Variants in GIT2 observed in about 807,000 individuals in gnomAD.
GIT2 encodes the protein GIT ArfGAP 2, also known as ARF GTPase-activating protein GIT2.
Under a neutral mutation model 100.3 loss-of-function variants are expected in GIT2, and 32 were observed. The ratio of observed to expected loss-of-function variants is 0.32; its 90% CI spans 0.24 to 0.43. The LOEUF (loss-of-function observed/expected upper bound fraction) is 0.43, where lower values mean the gene tolerates loss of function less well. Among genes scored for constraint, GIT2 ranks in the 20% least tolerant of loss-of-function variants. The pLI is 1.00. For synonymous variants in GIT2, 353 were observed against 364.1 expected (o/e 0.97, Z 0.35); for missense variants, 737 against 975.1 (o/e 0.76, Z 3.25).
chr12:109,977,237 T>A (rs1003432960), intron 7 of GIT2, among the ~76,000 whole-genome samples: 1 of 152,040 alleles, frequency 6.6e-6, no homozygotes, highest in Non-Finnish European at 1.5e-5. Flanking sequence ...ATAATAATAA[T>A]AAAAAAGGAG....
intron 7 of GIT2, among the ~76,000 whole-genome samples, chr12:109,973,096 G>A (rs1884301145): frequency 6.6e-6 from 1 of 152,068 alleles, no homozygotes; most frequent in African/African-American, 2.4e-5. Flanking sequence ...TCAAAGTGTT[G>A]TGATTACCAC....
At chr12:109,981,340 T>TA (rs770838876) in intron 6 of GIT2, 61 of 276,774 alleles carry the variant, frequency 2.2e-4, no homozygotes, top group Admixed American at 3.4e-4. Flanking sequence ...TTTAATGAGG[T>TA]AAAAAAATGA....
intron 7 of GIT2, among the ~76,000 whole-genome samples, chr12:109,968,321 C>T (rs1018562200): frequency 1.3e-5 from 2 of 151,854 alleles, no homozygotes; most frequent in Non-Finnish European, 2.9e-5. Flanking sequence ...AATCATGCCA[C>T]GCTTGTCTTC....
upstream of GIT2, chr12:109,996,384 G>A (rs1889437268): frequency 3.7e-6 from 2 of 545,312 alleles, no homozygotes; most frequent in Non-Finnish European, 6.4e-6. Context: ...GCACGCGCGG[G>A]GAGGTGCCCT....
At chr12:109,996,081 C>A in intron 1 of GIT2, 92 bp downstream of exon 1, 1 of 789,284 alleles carries the variant, frequency 1.3e-6, no homozygotes, top group South Asian at 2.0e-5. Flanking sequence ...CGACCCTAGC[C>A]GCGGGATGCA....
At chr12:109,967,979 A>T (rs1427290024) in intron 7 of GIT2, among the ~76,000 whole-genome samples, 2 of 152,204 alleles carry the variant, frequency 1.3e-5, no homozygotes, top group African/African-American at 4.8e-5. Context: ...ACTCAGCCCT[A>T]ATCTAGCTCC....
intron 16 of GIT2, among the ~76,000 whole-genome samples, chr12:109,943,180 C>G (rs1190038254): frequency 6.6e-6 from 1 of 152,126 alleles, no homozygotes; most frequent in Non-Finnish European, 1.5e-5. Context: ...TTAAGGCTAC[C>G]ATACAAATTA....
In GIT2 at chr12:109,952,191, G is replaced by A. The variant is rs77280142; in HGVS notation, c.1243-875C>T. On this transcript the variant is annotated intron_variant, in intron 13 of 19. Transcript: ENST00000355312. ...ATCTGTCTCCCCACTTCAACCTTCCGACTTATTGCCAAGACTTTTCTATTC... is the reference window on the plus strand; with the variant it reads ...ATCTGTCTCCCCACTTCAACCTTCCAACTTATTGCCAAGACTTTTCTATTC... 8.0e-3 allele frequency among the ~76,000 whole-genome samples: 1,215 copies of A among 152,236 alleles called. 25 individuals are homozygous for A. Among genetic ancestry groups the A allele is most frequent in the African/African-American group, 0.028 (1,166 of 41,534 alleles).
chr12:109,989,676 A>G lies in GIT2; in HGVS notation c.299+14T>C. On this transcript the variant is annotated intron_variant, in intron 3 of 19. Coordinates refer to ENST00000355312, the MANE Select transcript of GIT2 (RefSeq NM_057169.5). ...TTATGAAGAAATAAAAGTATTTATA[A>G]ACATTCCACTCACTGTACTTTATCC... 8.0e-7 allele frequency: 1 copy of G among 1,255,828 alleles called. No homozygotes were observed. The highest frequency in any genetic ancestry group is 1.2e-6 in the Non-Finnish European group (1 of 858,174). The allele number at this position is 1,255,828 out of a possible 1,614,324, so 77.8% of individuals were successfully genotyped here.
intron 7 of GIT2, among the ~76,000 whole-genome samples, chr12:109,978,423 C>T (rs1394432207): frequency 6.6e-6 from 1 of 152,076 alleles, no homozygotes. Flanking sequence ...TCTTCAAATA[C>T]GTTTTCTGCA....
chr12:109,961,707 A>T (rs1259936508), intron 9 of GIT2, 22 bp from the exon 10 acceptor site: 1 of 1,371,196 alleles, frequency 7.3e-7, no homozygotes, highest in East Asian at 2.3e-5. Context: ...AAATATCAGG[A>T]ACACAAGGGA....
At chr12:109,999,649 T>G (rs1889835752), upstream of GIT2, 3 of 1,487,248 alleles carry the variant, frequency 2.0e-6, no homozygotes, top group Admixed American at 6.4e-5. This position sits in a 1 kb window ranked among gnomAD's most constrained non-coding sequence, Gnocchi z 4.3. Flanking sequence ...GGGCCGAGAC[T>G]TGGGGCGGGC....
chr12:109,977,948 G>A (rs1428659655), intron 7 of GIT2, among the ~76,000 whole-genome samples: 6 of 151,580 alleles, frequency 4.0e-5, no homozygotes, highest in Admixed American at 3.9e-4. Context: ...CTTTCAAGAT[G>A]TTTTCTTCAA....
At chr12:109,952,641 G>A in intron 13 of GIT2, 2 of 519,944 alleles carry the variant, frequency 3.8e-6, no homozygotes, top group East Asian at 5.4e-5. Flanking sequence ...CGTCCCTTGA[G>A]GCGCATCTTA....
Position 109,983,668 on chromosome 12 carries a change from C to T in GIT2, c.432G>A (p.Gly144=), listed in dbSNP as rs1356199708. The T allele has an allele frequency of 6.2e-7, 1 of 1,612,766 alleles. No individual in the cohort carries two copies. The part of the protein sequence containing the change: ...SKQLHSSVRT[G]NLETCLRLLS... ...ACAGTCTCAAACAGGTTTCAAGATT[C>T]CCTGTTCTCACGCTCGAATGGAGTT... The change falls in exon 5 of 20, where the codon GGG becomes GGA. Residue 144 remains glycine (G), a synonymous_variant. Coordinates refer to ENST00000355312, the MANE Select transcript of GIT2 (RefSeq NM_057169.5).
At chr12:109,991,529 G>T in intron 2 of GIT2, 98 bp downstream of exon 2, 1 of 892,048 alleles carries the variant, frequency 1.1e-6, no homozygotes, top group Non-Finnish European at 1.8e-6. Context: ...AAACAGTTTT[G>T]TCTTATGGAA....
At chr12:109,956,388 C>T (rs1879465323) in intron 12 of GIT2, among the ~76,000 whole-genome samples, 2 of 152,142 alleles carry the variant, frequency 1.3e-5, no homozygotes, top group African/African-American at 2.4e-5. Context: ...ATATGACTAA[C>T]ATGGCACTAA....
At chr12:109,982,943 G>A in intron 6 of GIT2, 1 of 160,080 alleles carries the variant, frequency 6.2e-6, no homozygotes, top group Non-Finnish European at 1.4e-5. Flanking sequence ...ACCATGCCTG[G>A]CCTAGAGTGA....
chr12:109,996,536 C>T (rs865902783), upstream of GIT2: 17 of 385,142 alleles, frequency 4.4e-5, no homozygotes, highest in Middle Eastern at 6.7e-4. Flanking sequence ...AGATTCCCCT[C>T]GTCCCAACTG....
Sources: gnomAD v4.1 joint callset for allele counts (sites outside exome capture counted in the v4.1 genomes callset) on GRCh38, gnomAD v4.1.1 for gene constraint, Gnocchi (gnomAD v3.1) non-coding constraint, MANE v1.5 for transcripts, NCBI Gene and HGNC (gene_info 2026-07-23, HGNC 2026-07-21) for gene names.